LMBR1: variants seen among roughly 807,000 people sequenced by gnomAD.
LMBR1 encodes the protein limb development membrane protein 1.
A neutral mutation model predicts 73.9 loss-of-function variants in LMBR1; 52 were observed. The observed-to-expected ratio is 0.70, with a 90% CI of 0.56 to 0.89. LMBR1 has a LOEUF of 0.89. LMBR1 is among the 40% of genes least tolerant of loss of function. The probability of loss-of-function intolerance (pLI) is 0.00; values close to 1 mark genes in which losing one functional copy is unlikely to be tolerated. For missense variants in LMBR1, 539 were observed against 579.8 expected (o/e 0.93, Z 0.72); for synonymous variants, 215 against 209.4 (o/e 1.03, Z -0.23).
intron 1 of LMBR1, among the ~76,000 whole-genome samples, chr7:156,843,737 G>A (rs972779952): frequency 3.3e-5 from 5 of 151,416 alleles, no homozygotes; most frequent in African/African-American, 1.2e-4. Flanking sequence ...TCAGGAGGCT[G>A]AGGCACGAGA....
chr7:156,780,851 C>T (rs1334072394), intron 5 of LMBR1, among the ~76,000 whole-genome samples: 3 of 152,188 alleles, frequency 2.0e-5, no homozygotes, highest in Non-Finnish European at 1.5e-5. Flanking sequence ...CACCCTTCAC[C>T]CCCACCTCCC....
chr7:156,799,940 G>A (rs576538465), intron 4 of LMBR1, among the ~76,000 whole-genome samples: 1 of 152,300 alleles, frequency 6.6e-6, no homozygotes, highest in Non-Finnish European at 1.5e-5. Flanking sequence ...CCTGAGCAAG[G>A]TTGTAACTCT....
At chr7:156,708,327 G>A (rs762306077) in intron 15 of LMBR1, among the ~76,000 whole-genome samples, 2 of 152,228 alleles carry the variant, frequency 1.3e-5, no homozygotes, top group African/African-American at 2.4e-5. Flanking sequence ...CCCAGTGTGT[G>A]AGGTGGGGAA....
intron 4 of LMBR1, among the ~76,000 whole-genome samples, chr7:156,806,431 GT>G (rs1427338728): frequency 2.7e-5 from 4 of 149,498 alleles, no homozygotes; most frequent in Non-Finnish European, 5.9e-5. Flanking sequence ...TAGTTTTACT[GT>G]TTCCTTTCCA....
rs1190152777 is a variant in LMBR1 at position 156,678,415 on chromosome 7, C to G, written c.*5663G>C. The G allele has an allele frequency of 6.6e-6, 1 of 152,178 alleles. No individual in the cohort carries two copies. The highest frequency in any genetic ancestry group is 1.5e-5 in the Non-Finnish European group (1 of 68,036). The allele number at this position is 152,178 out of a possible 1,614,324, so 9.4% of individuals were successfully genotyped here. Reference sequence around the variant, plus strand: ...AAAAGTGGCCATGGAATGGCGCGCCCATCGAAAGCTTGCGAGACCAAGTTG... The same window carrying G: ...AAAAGTGGCCATGGAATGGCGCGCCGATCGAAAGCTTGCGAGACCAAGTTG... On this transcript the variant is annotated 3_prime_UTR_variant, in exon 17 of 17. Coordinates refer to ENST00000353442, the MANE Select transcript of LMBR1 (RefSeq NM_022458.4).
At chr7:156,804,505 T>C (rs77117761) in intron 4 of LMBR1, among the ~76,000 whole-genome samples, 4,843 of 152,316 alleles carry the variant, frequency 0.032, 123 homozygotes, top group South Asian at 0.085. Flanking sequence ...AGAGATCAAG[T>C]TCATCCACAT....
At chr7:156,879,921 C>T (rs184533323) in intron 1 of LMBR1, among the ~76,000 whole-genome samples, 1 of 152,116 alleles carries the variant, frequency 6.6e-6, no homozygotes, top group South Asian at 2.1e-4. Flanking sequence ...ACTGGTACAA[C>T]CACTATGGAA....
intron 1 of LMBR1, among the ~76,000 whole-genome samples, chr7:156,877,468 C>T (rs1468049713): frequency 1.3e-5 from 2 of 152,138 alleles, no homozygotes; most frequent in African/African-American, 4.8e-5. Context: ...AGACCAATAT[C>T]CTTGATGAAG....
intron 4 of LMBR1, among the ~76,000 whole-genome samples, chr7:156,797,086 G>A (rs1830170418): frequency 6.6e-6 from 1 of 152,186 alleles, no homozygotes; most frequent in African/African-American, 2.4e-5. Context: ...GAGCATCCAA[G>A]TGGCAGAGCT....
intron 1 of LMBR1, among the ~76,000 whole-genome samples, chr7:156,844,477 G>A (rs1433003405): frequency 3.3e-5 from 5 of 152,134 alleles, no homozygotes; most frequent in Non-Finnish European, 4.4e-5. Context: ...CAGAGACAGA[G>A]TCAGAGGGAT....
intron 5 of LMBR1, among the ~76,000 whole-genome samples, chr7:156,783,009 C>G (rs1488311148): frequency 6.6e-6 from 1 of 152,140 alleles, no homozygotes; most frequent in Non-Finnish European, 1.5e-5. Flanking sequence ...TCACCTAGTT[C>G]TTCAAAATTG....
At chr7:156,780,515 GA>G (rs1361760975) in intron 5 of LMBR1, among the ~76,000 whole-genome samples, 2 of 151,940 alleles carry the variant, frequency 1.3e-5, no homozygotes, top group Admixed American at 6.6e-5. Context: ...CTGAATTTGG[GA>G]AAAAAATATT....
intron 9 of LMBR1, among the ~76,000 whole-genome samples, chr7:156,750,895 A>T (rs2132717000): frequency 6.6e-6 from 1 of 152,310 alleles, no homozygotes; most frequent in Admixed American, 6.5e-5. Context: ...AGATCGCTTA[A>T]GCCCAGGAGT....
rs370780340 is a variant in LMBR1 at position 156,893,170 on chromosome 7, GAGC to G, written c.-180_-178del. The G allele has an allele frequency of 1.0e-2, 4,882 of 490,086 alleles. 215 individuals carry two copies. The highest frequency in any genetic ancestry group is 0.092 in the African/African-American group (4,465 of 48,768). 30.4% of individuals were successfully genotyped at this position (490,086 alleles called of 1,614,324 possible). On this transcript the variant is annotated 5_prime_UTR_variant, in exon 1 of 17. Transcript: ENST00000353442. ...GGCCGTCGCCTCAGCAGCCTCAGAC[GAGC>G]AGCTCTGACTAAGGGAGGGCGGGCG...
At chr7:156,674,137 G>A (rs534667388), downstream of LMBR1, among the ~76,000 whole-genome samples, 5 of 152,258 alleles carry the variant, frequency 3.3e-5, no homozygotes, top group East Asian at 5.8e-4. Context: ...ATAACCCCCC[G>A]AATTTCAGTG....
At chr7:156,861,390 G>T (rs1009517916) in intron 1 of LMBR1, among the ~76,000 whole-genome samples, 7 of 152,118 alleles carry the variant, frequency 4.6e-5, no homozygotes, top group African/African-American at 1.7e-4. Context: ...GAGCAGGGGG[G>T]CCCTGGGCCC....
chr7:156,749,068 G>T (rs936500693), intron 9 of LMBR1, among the ~76,000 whole-genome samples: 4 of 152,190 alleles, frequency 2.6e-5, no homozygotes, highest in South Asian at 2.1e-4. Context: ...AATGTTTTTT[G>T]ATTATATTTG....
intron 15 of LMBR1, among the ~76,000 whole-genome samples, chr7:156,693,914 T>G (rs1398373665): frequency 6.6e-6 from 1 of 152,134 alleles, no homozygotes; most frequent in Non-Finnish European, 1.5e-5. Context: ...CTAGCAAACC[T>G]AACTCAACAA....
chr7:156,777,078 C>A (rs888350080), intron 5 of LMBR1, among the ~76,000 whole-genome samples: 3 of 152,060 alleles, frequency 2.0e-5, no homozygotes. Context: ...ACTACAGGCG[C>A]CAGCCACCAC....
Sources: allele counts gnomAD v4.1 joint callset (sites outside exome capture counted in the v4.1 genomes callset), GRCh38; gene constraint gnomAD v4.1.1; transcripts MANE v1.5; gene names NCBI Gene and HGNC (gene_info 2026-07-23, HGNC 2026-07-21).